U2SURP: variants seen among roughly 807,000 people sequenced by gnomAD.
U2SURP encodes U2 snRNP associated SURP domain containing.
In U2SURP, 9 loss-of-function variants were observed where a neutral mutation model predicts 144.9. That is an observed-to-expected ratio of 0.06 (90% CI 0.04 to 0.11). The LOEUF is 0.11. Among genes scored for constraint, U2SURP ranks in the 10% least tolerant of loss-of-function variants. The pLI, the probability that U2SURP is intolerant of heterozygous loss-of-function variation, is 1.00. For missense variants in U2SURP, 724 were observed against 1,226.7 expected, an observed-to-expected ratio of 0.59 and a Z score of 6.12; for synonymous variants, 408 against 396.8, an observed-to-expected ratio of 1.03 and a Z score of -0.33.
At chr3:143,032,498 T>C (rs1933560855) in intron 16 of U2SURP, among the ~76,000 whole-genome samples, 1 of 152,230 alleles carries the variant, frequency 6.6e-6, no homozygotes, top group South Asian at 2.1e-4. Context: ...ATGGTAAGAC[T>C]GGGGTGCTCT....
intron 1 of U2SURP, among the ~76,000 whole-genome samples, chr3:143,004,353 G>GTTTTTTTTTTTTTTT (rs869186497): frequency 1.2e-5 from 1 of 83,412 alleles, no homozygotes; most frequent in African/African-American, 4.2e-5. Context: ...TAGTTGGGGT[G>GTTTTTTTTTTTTTTT]TTTTTTTTTT....
intron 24 of U2SURP, among the ~76,000 whole-genome samples, chr3:143,046,953 C>G (rs1934508419): frequency 1.2e-5 from 1 of 85,534 alleles, no homozygotes; most frequent in Non-Finnish European, 2.3e-5. Context: ...GGGGGCTGAC[C>G]TCCCCCACCT....
rs1246762842 is a variant in U2SURP at position 143,048,750 on chromosome 3, TAGTC to T, written c.2545-2186_2545-2183del. 7.4e-5 allele frequency among the ~76,000 whole-genome samples: 11 copies of T among 148,996 alleles called. No homozygotes were observed. The East Asian group carries it at 1.0e-3, about 14-fold the overall frequency. ...CTGTCTGTACTAAAAATACAAAAATTAGTCAGGCATGGAGGCTGAGGCAGGAGAA... is the reference window on the plus strand; with the variant it reads ...CTGTCTGTACTAAAAATACAAAAATTAGGCATGGAGGCTGAGGCAGGAGAA... On this transcript the variant is annotated intron_variant, in intron 24 of 27. Coordinates refer to ENST00000473835, the MANE Select transcript of U2SURP (RefSeq NM_001080415.2).
chr3:143,053,604 ATTG>A (rs924379360), intron 25 of U2SURP, 69 bp from the exon 26 acceptor site: 1 of 980,124 alleles, frequency 1.0e-6, no homozygotes, highest in African/African-American at 1.6e-5. Flanking sequence ...AAGAGAAGAT[ATTG>A]TTCTATAAAT....
In U2SURP at chr3:143,022,649, A is replaced by T; in HGVS notation, c.1005A>T (p.Leu335Phe). 6.2e-7 allele frequency: 1 copy of T among 1,609,906 alleles called. No individual in the cohort carries two copies. The highest frequency in any genetic ancestry group is 8.5e-7 in the Non-Finnish European group (1 of 1,178,806). Residue 335 changes from leucine (L) to phenylalanine (F), a missense_variant, in exon 11 of 28, where the codon TTA becomes TTT. Leu to Phe is a conservative substitution (Grantham distance 22, BLOSUM62 0). Transcript: ENST00000473835. ...FMNRRDAERA[L>F]KNLNGKMIMS... is the part of the protein sequence containing the mutation. Reference sequence around the variant, plus strand: ...ATAGAAGAGATGCTGAAAGAGCTTTAAAAAATTTGAATGGTAAGAACATTT... The same window carrying T: ...ATAGAAGAGATGCTGAAAGAGCTTTTAAAAATTTGAATGGTAAGAACATTT...
rs1274444678 is a variant in U2SURP, at chr3:143,057,273, C to A, written c.*823C>A. The A allele has an allele frequency of 6.6e-6, 1 of 152,332 alleles. No individual in the cohort carries two copies. Among genetic ancestry groups the A allele is most frequent in the African/African-American group, 2.4e-5 (1 of 41,402 alleles). 9.4% of individuals were successfully genotyped at this position (152,332 alleles called of 1,614,324 possible). On this transcript the variant is annotated 3_prime_UTR_variant, in exon 28 of 28. Coordinates refer to ENST00000473835, the MANE Select transcript of U2SURP (RefSeq NM_001080415.2). ...GAAGTTTATTTGTAAAACAAATTTT[C>A]TAACAAGGTTTGGCCATAGAATTCT... is the stretch of plus-strand genomic sequence containing the variant.
intron 18 of U2SURP, 51 bp from the exon 19 acceptor site, chr3:143,034,837 G>C (rs1933722277): frequency 2.4e-6 from 3 of 1,235,308 alleles, no homozygotes; most frequent in African/African-American, 1.5e-5. Flanking sequence ...TGCTAAAAGG[G>C]AAAGGAATTT....
chr3:143,032,265 G>T (rs1391292510), intron 16 of U2SURP, among the ~76,000 whole-genome samples: 1 of 152,078 alleles, frequency 6.6e-6, no homozygotes, highest in Non-Finnish European at 1.5e-5. Flanking sequence ...TACAGACAGG[G>T]TTTCACCATG....
chr3:143,035,858 T>TA, intron 19 of U2SURP, 124 bp from the exon 20 acceptor site: 1 of 1,020,256 alleles, frequency 9.8e-7, no homozygotes, highest in Non-Finnish European at 1.3e-6. Flanking sequence ...TTATTTTCTT[T>TA]AAAGTTTAAA....
At chr3:143,023,140 T>C in intron 12 of U2SURP, 76 bp downstream of exon 12, 1 of 1,289,908 alleles carries the variant, frequency 7.8e-7, no homozygotes, top group Non-Finnish European at 1.1e-6. Flanking sequence ...TTTTCAACAA[T>C]TTTATAGAAA....
intron 16 of U2SURP, among the ~76,000 whole-genome samples, chr3:143,032,078 T>C (rs955809385): frequency 3.3e-5 from 5 of 152,034 alleles, no homozygotes; most frequent in Non-Finnish European, 7.4e-5. Flanking sequence ...AATCTTTTTT[T>C]TTTTTTTCCC....
intron 24 of U2SURP, among the ~76,000 whole-genome samples, chr3:143,045,845 C>T (rs1230031801): frequency 6.6e-6 from 1 of 152,168 alleles, no homozygotes; most frequent in African/African-American, 2.4e-5. Context: ...CTAATCTTCT[C>T]TTGTGTTTCC....
Position 143,028,334 on chromosome 3 carries a change from G to T in U2SURP, c.1380-6G>T. ...ATGATGTTTAATGTTTGTTTGTTTT[G>T]TGTAGGTTCTTATTTGAAAACCAGA... On this transcript the variant is annotated splice_polypyrimidine_tract_variant and splice_region_variant and intron_variant, in intron 14 of 27. Transcript: ENST00000473835. 6.2e-7 allele frequency: 1 copy of T among 1,608,946 alleles called. No homozygotes were observed. Among genetic ancestry groups the T allele is most frequent in the Non-Finnish European group, 8.5e-7 (1 of 1,177,426 alleles).
chr3:143,057,800 C>A lies in U2SURP; in HGVS notation c.*1350C>A, dbSNP rs1466031847. The stretch of plus-strand genomic sequence containing the variant: ...GATTTAGCTTGCTTTTTAAAAAAAT[C>A]TTTTCAACTTGTTTTACTTAATCTT... On this transcript the variant is annotated 3_prime_UTR_variant, in exon 28 of 28. Coordinates refer to ENST00000473835, the MANE Select transcript of U2SURP (RefSeq NM_001080415.2). 1 of 151,808 alleles carries A rather than the reference C, an allele frequency of 6.6e-6. No individual in the cohort carries two copies. Among genetic ancestry groups the A allele is most frequent in the Non-Finnish European group, 1.5e-5 (1 of 67,742 alleles). The allele number at this position is 151,808 out of a possible 1,614,324, so 9.4% of individuals were successfully genotyped here.
chr3:143,032,725 C>A, intron 16 of U2SURP, 59 bp from the exon 17 acceptor site: 1 of 1,455,956 alleles, frequency 6.9e-7, no homozygotes, highest in Non-Finnish European at 9.4e-7. Flanking sequence ...TGAGCAAAAG[C>A]TACAATGGCA....
intron 20 of U2SURP, 79 bp downstream of exon 20, chr3:143,036,183 A>G: frequency 2.8e-6 from 4 of 1,408,834 alleles, no homozygotes; most frequent in Admixed American, 2.6e-5. Flanking sequence ...TCTGTGTTAC[A>G]TATGTGAGGT....
At position 143,035,972 on chromosome 3, in the gene U2SURP, G is replaced by C. The variant is rs1364611248; in HGVS notation, c.1942-10G>C. On this transcript the variant is annotated splice_polypyrimidine_tract_variant and intron_variant, in intron 19 of 27. Transcript: ENST00000473835. ...AATAAAAGTTTGTTGTCTGTTTCCT[G>C]TTTCTTTAGCAACGGGTAATGACTT... The C allele has an allele frequency of 2.5e-6, 4 of 1,586,702 alleles. No individual in the cohort carries two copies. In the Admixed American group the frequency reaches 7.7e-5, roughly 30 times the overall value.
At chr3:143,009,517 G>A (rs1286852335) in intron 1 of U2SURP, among the ~76,000 whole-genome samples, 2 of 151,944 alleles carry the variant, frequency 1.3e-5, no homozygotes, top group Non-Finnish European at 1.5e-5. Context: ...AGAATTACTG[G>A]AACCCGGGAG....
chr3:143,054,715 T>C (rs545693612), intron 26 of U2SURP, among the ~76,000 whole-genome samples: 1 of 152,252 alleles, frequency 6.6e-6, no homozygotes, highest in South Asian at 2.1e-4. Flanking sequence ...AACCTCTTAT[T>C]GCAAAGAGAA....
Sources: gnomAD v4.1 joint callset for allele counts (sites outside exome capture counted in the v4.1 genomes callset) on GRCh38, gnomAD v4.1.1 for gene constraint, MANE v1.5 for transcripts, NCBI Gene and HGNC (gene_info 2026-07-23, HGNC 2026-07-21) for gene names.